ARMC5: variants seen among roughly 807,000 people sequenced by gnomAD.
The protein encoded by ARMC5 is armadillo repeat-containing protein 5.
In ARMC5, 28 loss-of-function variants were observed where a neutral mutation model predicts 60.5. That is an observed-to-expected ratio of 0.46 (90% CI 0.34 to 0.63). The LOEUF is 0.63. Ranked by LOEUF, ARMC5 falls within the 30% of genes least tolerant of loss-of-function variation. The pLI, the probability that ARMC5 is intolerant of heterozygous loss-of-function variation, is 0.01. For synonymous variants in ARMC5, 680 were observed against 607.3 expected (o/e 1.12, Z -1.76); for missense variants, 1,189 against 1,304.9 (o/e 0.91, Z 1.37).
At position 31,464,510 on chromosome 16, in the gene ARMC5, C is replaced by A. The variant is rs369749403; in HGVS notation, c.1487C>A (p.Thr496Asn). Residue 496 changes from threonine to asparagine, a missense_variant, in exon 4 of 6, where the codon ACC becomes AAC. Coordinates refer to ENST00000268314, the MANE Select transcript of ARMC5 (RefSeq NM_001105247.2). This position sits in a 1 kb window ranked among gnomAD's most constrained non-coding sequence, Gnocchi z 7.6. ...MEPASPAPTP[T>N]SLRAPRTQRT... is the part of the protein sequence containing the mutation. ...CCGGCCAGCCCCGCCCCGACCCCGACCTCGCTGCGGGCACCACGCACCCAA... is the reference window on the plus strand; with the variant it reads ...CCGGCCAGCCCCGCCCCGACCCCGAACTCGCTGCGGGCACCACGCACCCAA... 1.9e-6 allele frequency: 3 copies of A among 1,605,512 alleles called. No individual in the cohort carries two copies. The South Asian group carries it at 3.3e-5, about 18-fold the overall frequency.
In ARMC5 at chr16:31,466,878, G is replaced by T; in HGVS notation, c.2797G>T (p.Val933Phe). 6.4e-7 allele frequency: 1 copy of T among 1,560,830 alleles called. No individual in the cohort carries two copies. The highest frequency in any genetic ancestry group is 8.6e-7 in the Non-Finnish European group (1 of 1,156,680). ...GATGGGGATTGAGTTGGGGGCAAGG[G>T]TCCCTGCCTAGACTGTTGACGTCCC... ...VVMGIELGAR[V>F]PA The change falls in exon 6 of 6, where the codon GTC becomes TTC. Residue 933 changes from valine to phenylalanine, a missense_variant. Physicochemically the swap from Val to Phe is conservative, Grantham distance 50. This residue lies in a region of ARMC5 where 862 missense variants were observed against 1,071.2 expected (regional missense o/e 0.80). Coordinates refer to ENST00000268314, the MANE Select transcript of ARMC5 (RefSeq NM_001105247.2). This position sits in a 1 kb window ranked among gnomAD's most constrained non-coding sequence, Gnocchi z 8.0.
At chr16:31,461,261 C>G (rs1048320358) in intron 1 of ARMC5, among the ~76,000 whole-genome samples, 5 of 152,108 alleles carry the variant, frequency 3.3e-5, no homozygotes, top group Non-Finnish European at 7.3e-5. Context: ...TGCATTCTCC[C>G]TATGGATGTC....
upstream of ARMC5, chr16:31,458,808 TGGCGC>T: frequency 1.3e-6 from 2 of 1,530,280 alleles, no homozygotes; most frequent in Non-Finnish European, 1.7e-6. Context: ...TCGCCTCTTC[TGGCGC>T]GGCCGACTGC....
In ARMC5 at chr16:31,464,258, C is replaced by G. The variant is rs2082329176; in HGVS notation, c.1371-136C>G. 3 of 749,282 alleles carry G rather than the reference C, an allele frequency of 4.0e-6. No individual in the cohort carries two copies. 46.4% of individuals were successfully genotyped at this position (749,282 alleles called of 1,614,324 possible). On this transcript the variant is annotated intron_variant, in intron 3 of 5. Coordinates refer to ENST00000268314, the MANE Select transcript of ARMC5 (RefSeq NM_001105247.2). This position sits in a 1 kb window ranked among gnomAD's most constrained non-coding sequence, Gnocchi z 7.6. ...TGAGCTAGGATCCCACAACTGCATT[C>G]CAGCCTGGGCTATAGAGGGATACCA... is the stretch of plus-strand genomic sequence containing the variant.
upstream of ARMC5, chr16:31,459,409 C>A (rs1199594299): frequency 3.3e-6 from 5 of 1,538,156 alleles, no homozygotes; most frequent in Non-Finnish European, 4.4e-6. Context: ...ACTTGCATCA[C>A]TGCGGTGGCG....
At position 31,464,292 on chromosome 16, in the gene ARMC5, TAAA is replaced by T. The variant is rs537788230; in HGVS notation, c.1371-80_1371-78del. 11,668 of 492,250 alleles carry T rather than the reference TAAA, an allele frequency of 0.024. No individual in the cohort carries two copies. Among genetic ancestry groups the T allele is most frequent in the Middle Eastern group, 0.043 (71 of 1,646 alleles). The allele number at this position is 492,250 out of a possible 1,614,324, so 30.5% of individuals were successfully genotyped here. A position where few individuals can be genotyped will look rare whatever the true frequency, so the allele number is the denominator to read the frequency against. On this transcript the variant is annotated intron_variant, in intron 3 of 5. Coordinates refer to ENST00000268314, the MANE Select transcript of ARMC5 (RefSeq NM_001105247.2). The surrounding 1 kb of genome is among the most constrained non-coding windows in gnomAD (Gnocchi z 7.6). ...GCTATAGAGGGATACCACATTTCTTTAAAAAAAAAAAAAAAAAAAAAAAAGACG... is the reference window on the plus strand; with the variant it reads ...GCTATAGAGGGATACCACATTTCTTTAAAAAAAAAAAAAAAAAAAAAGACG...
chr16:31,465,314 C>G, intron 4 of ARMC5: 35 of 1,442,954 alleles, frequency 2.4e-5, no homozygotes, highest in Non-Finnish European at 3.2e-5. Flanking sequence ...CATGGCGTTA[C>G]TGCTAGACCA....
Position 31,466,126 on chromosome 16 carries a change from G to A in ARMC5, c.2045G>A (p.Arg682Gln), listed in dbSNP as rs372459614. 6.4e-5 allele frequency: 103 copies of A among 1,603,970 alleles called. No homozygotes were observed. The highest frequency in any genetic ancestry group is 1.6e-4 in the Middle Eastern group (1 of 6,078). Residue 682 changes from arginine to glutamine, a missense_variant, in exon 6 of 6, where the codon CGG (arginine) becomes CAG (glutamine). Arg to Gln is a conservative substitution (Grantham distance 43). This residue lies in a region of ARMC5 where 862 missense variants were observed against 1,071.2 expected (regional missense o/e 0.80). Transcript: ENST00000268314. The surrounding 1 kb of genome is among the most constrained non-coding windows in gnomAD (Gnocchi z 8.0). ...CTGCTTCTGGAGCAGGGTGGTCTCCGGCTCCTCCTTGCGGCGCTGACCCGG... is the reference window on the plus strand; with the variant it reads ...CTGCTTCTGGAGCAGGGTGGTCTCCAGCTCCTCCTTGCGGCGCTGACCCGG... ...RRLLLEQGGL[R>Q]LLLAALTRPA...
At chr16:31,463,002 AC>A (rs1245078964) in intron 3 of ARMC5, 85 bp downstream of exon 3, 30 of 1,308,938 alleles carry the variant, frequency 2.3e-5, no homozygotes, top group Non-Finnish European at 5.1e-6. Context: ...CACTACCTCC[AC>A]CCCTATTCTG....
At chr16:31,463,823 A>T (rs1469886803) in intron 3 of ARMC5, among the ~76,000 whole-genome samples, 1 of 152,200 alleles carries the variant, frequency 6.6e-6, no homozygotes, top group African/African-American at 2.4e-5. Context: ...TCACTGGAAC[A>T]TAAACTCCAG....
Position 31,462,715 on chromosome 16 carries a change from A to G in ARMC5, c.1168A>G (p.Ile390Val), listed in dbSNP as rs756214079. The change falls in exon 3 of 6, where the codon ATT (isoleucine) becomes GTT (valine). Residue 390 changes from isoleucine (I) to valine (V), a missense_variant. Physicochemically the swap from Ile to Val is conservative, Grantham distance 29. Around this residue, in one of 2 missense-constraint regions of ARMC5, gnomAD observed 862 missense variants for 1,071.2 expected, o/e 0.80. Coordinates refer to ENST00000268314, the MANE Select transcript of ARMC5 (RefSeq NM_001105247.2). This position sits in a 1 kb window ranked among gnomAD's most constrained non-coding sequence, Gnocchi z 7.2. The part of the protein sequence containing the change: ...DPRASAWHPR[I>V]VAALVGFLYD... ...TCGTGCAAGCGCATGGCACCCTCGT[A>G]TTGTGGCTGCCCTTGTGGGGTTTCT... is the stretch of plus-strand genomic sequence containing the variant. The G allele has an allele frequency of 6.2e-7, 1 of 1,613,716 alleles. No homozygotes were observed. Among genetic ancestry groups the G allele is most frequent in the Non-Finnish European group, 8.5e-7 (1 of 1,180,016 alleles).
chr16:31,459,140 G>A (rs2082273972), upstream of ARMC5: 2 of 1,492,780 alleles, frequency 1.3e-6, no homozygotes, highest in Middle Eastern at 2.3e-4. Flanking sequence ...GAGAAAAGGC[G>A]GTCCCCGCCG....
upstream of ARMC5, chr16:31,459,295 C>G: frequency 6.5e-7 from 1 of 1,534,768 alleles, no homozygotes; most frequent in Non-Finnish European, 8.7e-7. Context: ...CGGACCACAT[C>G]TCCCTCATGC....
Position 31,459,539 on chromosome 16 carries a change from G to T in ARMC5, c.15G>T (p.Lys5Asn), listed in dbSNP as rs752667573. 6.2e-7 allele frequency: 1 copy of T among 1,605,220 alleles called. No homozygotes were observed. The change falls in exon 1 of 6, where the codon AAG becomes AAT. Residue 5 changes from lysine to asparagine, a missense_variant. Lys to Asn is a moderately conservative substitution (Grantham distance 94). This residue lies in a region of ARMC5 where 327 missense variants were observed against 233.7 expected (regional missense o/e 1.40). Coordinates refer to ENST00000268314, the MANE Select transcript of ARMC5 (RefSeq NM_001105247.2). ...CCCGAGCCAAGATGGCGGCTGCGAA[G>T]CCAACCCTCACGGACTCGCTCTCGT... MAAA[K>N]PTLTDSLSFC...
Position 31,464,275 on chromosome 16 carries a change from G to C in ARMC5, c.1371-119G>C, listed in dbSNP as rs1220020154. 4.5e-6 allele frequency: 4 copies of C among 891,288 alleles called. No individual in the cohort carries two copies. Among genetic ancestry groups the C allele is most frequent in the Non-Finnish European group, 6.3e-6 (4 of 633,510 alleles). The allele number at this position is 891,288 out of a possible 1,614,324, so 55.2% of individuals were successfully genotyped here. Reference sequence around the variant, plus strand: ...ACTGCATTCCAGCCTGGGCTATAGAGGGATACCACATTTCTTTAAAAAAAA... The same window carrying C: ...ACTGCATTCCAGCCTGGGCTATAGACGGATACCACATTTCTTTAAAAAAAA... On this transcript the variant is annotated intron_variant, in intron 3 of 5. Coordinates refer to ENST00000268314, the MANE Select transcript of ARMC5 (RefSeq NM_001105247.2). This position sits in a 1 kb window ranked among gnomAD's most constrained non-coding sequence, Gnocchi z 7.6.
Position 31,459,756 on chromosome 16 carries a change from G to A in ARMC5, c.232G>A (p.Ala78Thr). The A allele has an allele frequency of 6.5e-7, 1 of 1,537,186 alleles. No individual in the cohort carries two copies. Reference sequence around the variant, plus strand: ...CCTACTCGCGCTGCTACGGCGAGCGGCTGCAGCGGGTTCCGCCCCGTCCCA... The same window carrying A: ...CCTACTCGCGCTGCTACGGCGAGCGACTGCAGCGGGTTCCGCCCCGTCCCA... Reference protein sequence around the residue: ...RPLLALLRRAAAAGSAPSQAG... With the variant: ...RPLLALLRRATAAGSAPSQAG... Residue 78 changes from alanine to threonine, a missense_variant, in exon 1 of 6, where the codon GCT (alanine) becomes ACT (threonine). This residue lies in a region of ARMC5 where 327 missense variants were observed against 233.7 expected (regional missense o/e 1.40). Transcript: ENST00000268314.
chr16:31,458,518 G>C (rs1168851204), upstream of ARMC5: 5 of 1,534,572 alleles, frequency 3.3e-6, no homozygotes, highest in African/African-American at 2.7e-5. Context: ...CTTGTCACCA[G>C]AGGGGCTGCC....
rs745670473 is a variant in ARMC5 at position 31,465,872 on chromosome 16, G to C, written c.1887G>C (p.Leu629=). ...CAGGGGAGAGGCTACTGCAGAACCT[G>C]ACGGTTCAGGCTGAGTCGCCCTTTG... The part of the protein sequence containing the change: ...RELGERLLQN[L]TVQAESPFGV... The change falls in exon 5 of 6, where the codon CTG becomes CTC. Residue 629 remains leucine (L), a synonymous_variant. Coordinates refer to ENST00000268314, the MANE Select transcript of ARMC5 (RefSeq NM_001105247.2). 1 of 1,609,592 alleles carries C rather than the reference G, an allele frequency of 6.2e-7. No individual in the cohort carries two copies. The highest frequency in any genetic ancestry group is 1.7e-5 in the Admixed American group (1 of 60,002).
rs777796569 is a variant in ARMC5 at position 31,466,859 on chromosome 16, G to A, written c.2778G>A (p.Gly926=). 6.3e-7 allele frequency: 1 copy of A among 1,584,228 alleles called. No individual in the cohort carries two copies. Among genetic ancestry groups the A allele is most frequent in the Non-Finnish European group, 8.6e-7 (1 of 1,166,964 alleles). The change falls in exon 6 of 6, where the codon GGG becomes GGA. Residue 926 remains glycine (G), a synonymous_variant. Coordinates refer to ENST00000268314, the MANE Select transcript of ARMC5 (RefSeq NM_001105247.2). The surrounding 1 kb of genome is among the most constrained non-coding windows in gnomAD (Gnocchi z 8.0). ...AGGCTTTGCTGGCTGTGGTGATGGG[G>A]ATTGAGTTGGGGGCAAGGGTCCCTG... ...LTEALLAVVM[G]IELGARVPA is the part of the protein sequence containing the mutation.
Sources: gnomAD v4.1 joint callset for allele counts (sites outside exome capture counted in the v4.1 genomes callset) on GRCh38, gnomAD v4.1.1 for gene constraint, gnomAD v4.1.1 regional missense constraint, Gnocchi (gnomAD v3.1) non-coding constraint, MANE v1.5 for transcripts, NCBI Gene and HGNC (gene_info 2026-07-23, HGNC 2026-07-21) for gene names.